The following FYB1 variants were observed in gnomAD, a reference collection of about 807,000 sequenced individuals.
FYB1 encodes the protein FYN binding protein 1.
A neutral mutation model predicts 94.1 loss-of-function variants in FYB1; 41 were observed. The ratio of observed to expected loss-of-function variants is 0.44; its 90% CI spans 0.34 to 0.57. The LOEUF (loss-of-function observed/expected upper bound fraction) is 0.57. Among genes scored for constraint, FYB1 ranks in the 20% least tolerant of loss-of-function variants. FYB1 has a pLI of 0.02. For synonymous variants in FYB1, 367 were observed against 353.2 expected, an observed-to-expected ratio of 1.04 and a Z score of -0.44; for missense variants, 1,050 against 976.8, an observed-to-expected ratio of 1.07 and a Z score of -1.00.
At chr5:39,209,755 C>CA in intron 1 of FYB1, among the ~76,000 whole-genome samples, 1 of 152,316 alleles carries the variant, frequency 6.6e-6, no homozygotes, top group South Asian at 2.1e-4. Context: ...AACAAGCAGA[C>CA]ACATCCCTGA....
At chr5:39,216,876 C>T (rs529246114) in intron 1 of FYB1, among the ~76,000 whole-genome samples, 6 of 152,298 alleles carry the variant, frequency 3.9e-5, no homozygotes, top group African/African-American at 1.4e-4. Flanking sequence ...GCTGCAGCAA[C>T]GTGATTAACA....
Position 39,265,115 on chromosome 5 carries a change from C to A in FYB1, c.-28+9288G>T, listed in dbSNP as rs189354274. On this transcript the variant is annotated intron_variant, in intron 1 of 1. Coordinates refer to the FYB1 transcript ENST00000510188. ...CTTTGGGAGGCCGAGGTGGGTGGAT[C>A]GCCTGAGGTCAGGAGTTCAAGACCA... Among the ~76,000 whole-genome samples the A allele has an allele frequency of 7.3e-4, 111 of 152,024 alleles. 1 individual carries two copies. The East Asian group carries it at 0.016, about 22-fold the overall frequency.
intron 1 of FYB1, chr5:39,270,735 A>C (rs1330728967): frequency 1.9e-6 from 1 of 528,494 alleles, no homozygotes; most frequent in African/African-American, 1.9e-5. Flanking sequence ...TTTGCATGTT[A>C]TCTCAACCCT....
intron 1 of FYB1, among the ~76,000 whole-genome samples, chr5:39,231,939 C>T (rs764192960): frequency 3.3e-5 from 5 of 151,974 alleles, no homozygotes; most frequent in Non-Finnish European, 5.9e-5. Context: ...TACATTTTTA[C>T]ATAGTGAAGA....
rs541731827 is a variant in FYB1, at chr5:39,153,347, C to G, written c.1292+101G>C. 3 of 1,454,276 alleles carry G rather than the reference C, an allele frequency of 2.1e-6. No homozygotes were observed. The East Asian group carries it at 6.8e-5, about 33-fold the overall frequency. The allele number at this position is 1,454,276 out of a possible 1,614,324, so 90.1% of individuals were successfully genotyped here. A position where few individuals can be genotyped will look rare whatever the true frequency, so the allele number is the denominator to read the frequency against. On this transcript the variant is annotated intron_variant, in intron 3 of 18. Coordinates refer to ENST00000512982, the MANE Select transcript of FYB1 (RefSeq NM_001465.6). ...CCTGCCAGCTGCCCACTTTTGTAGA[C>G]CCAGAAGTTTCCCATGGAACTCTCA...
Position 39,110,359 on chromosome 5 carries a change from T to C in FYB1, c.2432A>G (p.Asp811Gly), listed in dbSNP as rs772621142. The C allele has an allele frequency of 6.3e-7, 1 of 1,594,062 alleles. No individual in the cohort carries two copies. The highest frequency in any genetic ancestry group is 1.7e-5 in the Admixed American group (1 of 59,280). The change falls in exon 17 of 19, where the codon GAC becomes GGC. Residue 811 changes from aspartate (D) to glycine (G), a missense_variant. Asp to Gly is a moderately conservative substitution (Grantham distance 94, BLOSUM62 -1). Coordinates refer to ENST00000512982, the MANE Select transcript of FYB1 (RefSeq NM_001465.6). ...TAGTAGAAGAAAATGGGCTTACTTG[T>C]CCGCTAGGTAACTCCGAAGGACATA... ...YGYVLRSYLA[D>G]NDGEIYDDIA...
intron 1 of FYB1, among the ~76,000 whole-genome samples, chr5:39,214,762 T>C (rs904014640): frequency 1.3e-5 from 2 of 152,146 alleles, no homozygotes; most frequent in African/African-American, 4.8e-5. Flanking sequence ...AACCCATCTC[T>C]ACTAAAAATA....
intron 1 of FYB1, among the ~76,000 whole-genome samples, chr5:39,244,867 G>T (rs1369255215): frequency 6.6e-6 from 1 of 152,120 alleles, no homozygotes; most frequent in African/African-American, 2.4e-5. Context: ...GTTTAGTCTT[G>T]GGAGGGTGTA....
intron 2 of FYB1, among the ~76,000 whole-genome samples, chr5:39,196,383 T>G (rs1047585091): frequency 6.6e-6 from 1 of 151,942 alleles, no homozygotes; most frequent in Non-Finnish European, 1.5e-5. Flanking sequence ...TTTGTATTTT[T>G]GGGGTTTCGC....
chr5:39,130,448 C>T, intron 10 of FYB1, 142 bp downstream of exon 10: 1 of 652,276 alleles, frequency 1.5e-6, no homozygotes, highest in South Asian at 1.8e-5. Context: ...ATGATAAATG[C>T]TCATGATGAT....
At chr5:39,110,268 A>G (rs1450147048) in intron 17 of FYB1, 88 bp downstream of exon 17, 14 of 725,258 alleles carry the variant, frequency 1.9e-5, no homozygotes, top group Non-Finnish European at 2.7e-5. Context: ...TGAGTAGGTT[A>G]CATTATTTAA....
In FYB1 at chr5:39,228,675, C is replaced by T. The variant is rs115061880; in HGVS notation, c.-27-25688G>A. 6.6e-3 allele frequency among the ~76,000 whole-genome samples: 1,001 copies of T among 152,130 alleles called. 15 individuals are homozygous for T. Among genetic ancestry groups the T allele is most frequent in the African/African-American group, 0.023 (947 of 41,500 alleles). ...AACATTTTTTGATACCGTATTTCCC[C>T]GTAATTCCCCAGTGGTTAAAGAAAG... is the stretch of plus-strand genomic sequence containing the variant. On this transcript the variant is annotated intron_variant, in intron 1 of 1. Coordinates refer to the FYB1 transcript ENST00000510188.
At chr5:39,246,041 T>G (rs835181) in intron 1 of FYB1, among the ~76,000 whole-genome samples, 25,617 of 152,220 alleles carry the variant, frequency 0.17, 5,758 homozygotes, top group African/African-American at 0.5. Flanking sequence ...ACTCTGTTGT[T>G]CCAAGAGGAA....
In FYB1 at chr5:39,197,547, C is replaced by A. The variant is rs548289952; in HGVS notation, c.1135+4279G>T. ...AGCTGTGGCCAATCATAATCCAGAGCAAATCCATTGGCCACATTTATTTAT... is the reference window on the plus strand; with the variant it reads ...AGCTGTGGCCAATCATAATCCAGAGAAAATCCATTGGCCACATTTATTTAT... On this transcript the variant is annotated intron_variant, in intron 2 of 18. Coordinates refer to ENST00000512982, the MANE Select transcript of FYB1 (RefSeq NM_001465.6). Among the ~76,000 whole-genome samples the A allele has an allele frequency of 2.6e-5, 4 of 152,332 alleles. No homozygotes were observed. The East Asian group carries it at 7.7e-4, about 29-fold the overall frequency.
chr5:39,225,604 C>A (rs114301887), intron 1 of FYB1, among the ~76,000 whole-genome samples: 1 of 152,152 alleles, frequency 6.6e-6, no homozygotes, highest in African/African-American at 2.4e-5. Context: ...CTGCTAAATT[C>A]ATCTTGTACG....
At chr5:39,140,167 G>T (rs1404980477) in intron 4 of FYB1, 1 of 152,196 alleles carries the variant, frequency 6.6e-6, no homozygotes, top group Admixed American at 6.5e-5. Context: ...TACATTCAAT[G>T]AAGGACAGCA....
At chr5:39,141,176 A>T (rs1742151075) in intron 3 of FYB1, 35 bp from the exon 4 acceptor site, 1 of 1,377,732 alleles carries the variant, frequency 7.3e-7, no homozygotes, top group Admixed American at 1.9e-5. Flanking sequence ...TGAACATGGA[A>T]CAAGTAGATG....
At chr5:39,243,864 G>C (rs1298152575) in intron 1 of FYB1, among the ~76,000 whole-genome samples, 2 of 152,142 alleles carry the variant, frequency 1.3e-5, no homozygotes, top group Admixed American at 1.3e-4. Flanking sequence ...CACATCCCCC[G>C]TAAGTTGGGT....
chr5:39,258,239 A>T (rs1260252173), intron 1 of FYB1, among the ~76,000 whole-genome samples: 1 of 152,090 alleles, frequency 6.6e-6, no homozygotes, highest in East Asian at 1.9e-4. Context: ...ATGCTGAAAC[A>T]TTTCCTCTCC....
Sources: gnomAD v4.1 joint callset for allele counts (sites outside exome capture counted in the v4.1 genomes callset) on GRCh38, gnomAD v4.1.1 for gene constraint, MANE v1.5 for transcripts, NCBI Gene and HGNC (gene_info 2026-07-23, HGNC 2026-07-21) for gene names.